The following SPEN variants were observed in gnomAD, a reference collection of about 807,000 sequenced individuals.
The protein encoded by SPEN is msx2-interacting protein.
SPEN carries 18 observed loss-of-function variants against 269.9 expected under a neutral mutation model. The observed-to-expected ratio is 0.07, with a 90% CI of 0.05 to 0.10. The LOEUF is 0.10. Ranked by LOEUF, SPEN falls within the 10% of genes least tolerant of loss-of-function variation. SPEN has a pLI of 1.00. For synonymous variants in SPEN, 1,726 were observed against 1,765.7 expected (o/e 0.98, Z 0.56); for missense variants, 3,822 against 4,631.2 (o/e 0.83, Z 5.07).
In SPEN at chr1:15,906,656, G is replaced by T. The variant is rs201167097; in HGVS notation, c.882-2665G>T. On this transcript the variant is annotated intron_variant, in intron 3 of 14. Transcript: ENST00000375759. ...TTTTTGTATTTCTAGTAGAGATGAG[G>T]TTTCACCATGTTGGCCAGGCTAGCC... Among the ~76,000 whole-genome samples, 36 of 151,298 alleles carry T rather than the reference G, an allele frequency of 2.4e-4. No homozygotes were observed. The East Asian group carries it at 6.4e-3, about 27-fold the overall frequency.
chr1:15,927,427 T>A (rs2071179278), intron 10 of SPEN, among the ~76,000 whole-genome samples: 1 of 152,144 alleles, frequency 6.6e-6, no homozygotes, highest in South Asian at 2.1e-4. Context: ...GTTCAGAGAG[T>A]TTAACCAGGT....
chr1:15,875,449 A>C (rs2070621378), intron 2 of SPEN, among the ~76,000 whole-genome samples: 2 of 152,158 alleles, frequency 1.3e-5, no homozygotes, highest in Admixed American at 6.5e-5. Flanking sequence ...GGCATTTTTA[A>C]AGTCATTTGG....
At chr1:15,908,469 C>T (rs534842403) in intron 3 of SPEN, among the ~76,000 whole-genome samples, 1 of 151,916 alleles carries the variant, frequency 6.6e-6, no homozygotes, top group South Asian at 2.1e-4. Flanking sequence ...GTCACCCAGG[C>T]GGGAGTGCAG....
At chr1:15,875,347 C>A (rs1179908418) in intron 2 of SPEN, among the ~76,000 whole-genome samples, 1 of 152,192 alleles carries the variant, frequency 6.6e-6, no homozygotes, top group Admixed American at 6.6e-5. Flanking sequence ...TACCTAATTT[C>A]ATCACAGGCA....
chr1:15,931,927 T>C lies in SPEN; in HGVS notation c.5687T>C (p.Leu1896Pro). ...DLEHPEPSLPLSRTRRRNVRS... is the reference protein window; with the variant it reads ...DLEHPEPSLPPSRTRRRNVRS... Reference sequence around the variant, plus strand: ...GAACATCCCGAACCAAGTTTGCCTCTCAGCCGAACAAGGCGCCGGAATGTA... The same window carrying C: ...GAACATCCCGAACCAAGTTTGCCTCCCAGCCGAACAAGGCGCCGGAATGTA... The change falls in exon 11 of 15, where the codon CTC becomes CCC. Residue 1896 changes from leucine to proline, a missense_variant. Transcript: ENST00000375759. This position sits in a 1 kb window ranked among gnomAD's most constrained non-coding sequence, Gnocchi z 4.8. 1 of 1,614,214 alleles carries C rather than the reference T, an allele frequency of 6.2e-7. No homozygotes were observed.
chr1:15,928,852 G>C lies in SPEN; in HGVS notation c.2612G>C (p.Arg871Pro), dbSNP rs747275202. The change falls in exon 11 of 15, where the codon CGC becomes CCC. Residue 871 changes from arginine (R) to proline (P), a missense_variant. Arg to Pro is a moderately radical substitution (Grantham distance 103, BLOSUM62 -2). Coordinates refer to ENST00000375759, the MANE Select transcript of SPEN (RefSeq NM_015001.3). The surrounding 1 kb of genome is among the most constrained non-coding windows in gnomAD (Gnocchi z 5.7). ...GACAAAGAGGGAATAGCGAAAAACC[G>C]CCTGGAACTCATGCCTTGCGTGGTT... ...KADKEGIAKNRLELMPCVVLT... is the reference protein window; with the variant it reads ...KADKEGIAKNPLELMPCVVLT... 6.2e-7 allele frequency: 1 copy of C among 1,614,092 alleles called. No homozygotes were observed. The highest frequency in any genetic ancestry group is 8.5e-7 in the Non-Finnish European group (1 of 1,179,982).
intron 3 of SPEN, among the ~76,000 whole-genome samples, chr1:15,905,338 C>T (rs534333031): frequency 6.6e-6 from 1 of 151,870 alleles, no homozygotes; most frequent in Admixed American, 6.6e-5. Context: ...TCTCCTGCCT[C>T]AGCCTCCTGA....
At position 15,934,718 on chromosome 1, in the gene SPEN, C is replaced by T. The variant is rs1269941401; in HGVS notation, c.8478C>T (p.Gly2826=). 1.2e-6 allele frequency: 2 copies of T among 1,614,152 alleles called. No homozygotes were observed. The highest frequency in any genetic ancestry group is 1.6e-4 in the Middle Eastern group (1 of 6,062). The change falls in exon 11 of 15, where the codon GGC becomes GGT. Residue 2826 remains glycine (G), a synonymous_variant. Transcript: ENST00000375759. This position sits in a 1 kb window ranked among gnomAD's most constrained non-coding sequence, Gnocchi z 9.2. ...GTTACTCAGGGCAGAAGACCGAAGG[C>T]CCACAGCGGATCAGCGCCAAGATCA... ...LLSYSGQKTE[G]PQRISAKISQ...
At chr1:15,888,310 CTT>C (rs759333161) in intron 3 of SPEN, among the ~76,000 whole-genome samples, 1 of 140,998 alleles carries the variant, frequency 7.1e-6, no homozygotes, top group Admixed American at 7.1e-5. Flanking sequence ...TATGTAAACT[CTT>C]TTTTTTTTTT....
At position 15,940,027 on chromosome 1, in the gene SPEN, TAC is replaced by T; in HGVS notation, c.*602_*603del. 4.4e-6 allele frequency: 1 copy of T among 229,044 alleles called. No homozygotes were observed. Among genetic ancestry groups the T allele is most frequent in the Non-Finnish European group, 8.7e-6 (1 of 115,470 alleles). 14.2% of individuals were successfully genotyped at this position (229,044 alleles called of 1,614,324 possible). On this transcript the variant is annotated 3_prime_UTR_variant, in exon 15 of 15. Coordinates refer to ENST00000375759, the MANE Select transcript of SPEN (RefSeq NM_015001.3). ...CTTTGATTCACCGGGATGTACAGTT[TAC>T]AGTTGAAGAGCAAACAGAAAGGTTT...
At position 15,933,957 on chromosome 1, in the gene SPEN, C is replaced by A. The variant is rs768869705; in HGVS notation, c.7717C>A (p.Pro2573Thr). The A allele has an allele frequency of 1.2e-6, 2 of 1,613,886 alleles. No homozygotes were observed. Among genetic ancestry groups the A allele is most frequent in the Admixed American group, 3.3e-5 (2 of 60,002 alleles). Residue 2573 changes from proline to threonine, a missense_variant, in exon 11 of 15, where the codon CCC (proline) becomes ACC (threonine). Pro to Thr is a conservative substitution (Grantham distance 38, BLOSUM62 -1). Transcript: ENST00000375759. The surrounding 1 kb of genome is among the most constrained non-coding windows in gnomAD (Gnocchi z 5.7). Reference protein sequence around the residue: ...SAAPCLHEAPPPPVDSKKPLE... With the variant: ...SAAPCLHEAPTPPVDSKKPLE... ...TGCCCCTTGCCTACATGAGGCCCCG[C>A]CCCCGCCAGTTGACTCTAAAAAGCC... is the stretch of plus-strand genomic sequence containing the variant.
chr1:15,892,012 CTTTTTTTT>C (rs71003216), intron 3 of SPEN, among the ~76,000 whole-genome samples: 962 of 74,712 alleles, frequency 0.013, 8 homozygotes, highest in African/African-American at 0.032. Flanking sequence ...TTTCTTTTTA[CTTTTTTTT>C]TTTTTTTTTT....
intron 1 of SPEN, among the ~76,000 whole-genome samples, chr1:15,869,541 T>C (rs2070551878): frequency 6.6e-6 from 1 of 152,104 alleles, no homozygotes; most frequent in Non-Finnish European, 1.5e-5. Context: ...AATCTTTTTA[T>C]AATGTAAAAA....
chr1:15,934,583 A>G lies in SPEN; in HGVS notation c.8343A>G (p.Glu2781=), dbSNP rs776804920. The G allele has an allele frequency of 6.2e-7, 1 of 1,614,096 alleles. No homozygotes were observed. Among genetic ancestry groups the G allele is most frequent in the Non-Finnish European group, 8.5e-7 (1 of 1,180,018 alleles). Residue 2781 remains glutamate, a synonymous_variant, in exon 11 of 15, where the codon GAA becomes GAG. Transcript: ENST00000375759. This position sits in a 1 kb window ranked among gnomAD's most constrained non-coding sequence, Gnocchi z 9.2. ...GCAAACAGAGAGCGAGTGCTAATGA[A>G]AACAGTCGGTTCCACCCAGGGTCCA... The part of the protein sequence containing the change: ...TKCKQRASAN[E]NSRFHPGSMP...
intron 3 of SPEN, among the ~76,000 whole-genome samples, chr1:15,891,852 C>T (rs1003626471): frequency 6.0e-5 from 9 of 151,228 alleles, no homozygotes; most frequent in Admixed American, 5.3e-4. Flanking sequence ...TCACATATAT[C>T]TCAGTAGAAC....
Position 15,935,741 on chromosome 1 carries a change from T to G in SPEN, c.9501T>G (p.Ala3167=). ...AAGTGCATTATCACCTTCCTGTCGC[T>G]CGAGCCACAGCCCCTGTGCAGTCAG... ...EEEVHYHLPV[A]RATAPVQSEV... is the part of the protein sequence containing the mutation. The change falls in exon 11 of 15, where the codon GCT becomes GCG. Residue 3167 remains alanine (A), a synonymous_variant. Transcript: ENST00000375759. The surrounding 1 kb of genome is among the most constrained non-coding windows in gnomAD (Gnocchi z 7.7). The G allele has an allele frequency of 6.2e-7, 1 of 1,613,116 alleles. No individual in the cohort carries two copies. Among genetic ancestry groups the G allele is most frequent in the Non-Finnish European group, 8.5e-7 (1 of 1,179,622 alleles).
intron 3 of SPEN, among the ~76,000 whole-genome samples, chr1:15,890,795 C>A (rs1241635044): frequency 2.0e-5 from 3 of 152,152 alleles, no homozygotes; most frequent in African/African-American, 7.2e-5. Context: ...TTTTCTCCCC[C>A]AGCCCAAGGC....
chr1:15,859,606 T>A (rs955042819), intron 1 of SPEN, among the ~76,000 whole-genome samples: 1 of 151,940 alleles, frequency 6.6e-6, no homozygotes. Context: ...CCTGACCTTG[T>A]GATCCGCCCG....
chr1:15,929,546 A>G lies in SPEN; in HGVS notation c.3306A>G (p.Gln1102=). 3 of 1,613,966 alleles carry G rather than the reference A, an allele frequency of 1.9e-6. No individual in the cohort carries two copies. The highest frequency in any genetic ancestry group is 2.5e-6 in the Non-Finnish European group (3 of 1,179,928). Reference sequence around the variant, plus strand: ...AATCTGTGGAAAATCAAGAAGTCCAATCAAAAAAGCCCATTCCCTCAAAAC... The same window carrying G: ...AATCTGTGGAAAATCAAGAAGTCCAGTCAAAAAAGCCCATTCCCTCAAAAC... ...AGESVENQEV[Q]SKKPIPSKPQ... is the part of the protein sequence containing the mutation. Residue 1102 remains glutamine (Q), a synonymous_variant, in exon 11 of 15, where the codon CAA becomes CAG. Transcript: ENST00000375759. The surrounding 1 kb of genome is among the most constrained non-coding windows in gnomAD (Gnocchi z 5.8).
Sources: gnomAD v4.1 joint callset for allele counts (sites outside exome capture counted in the v4.1 genomes callset) on GRCh38, gnomAD v4.1.1 for gene constraint, Gnocchi (gnomAD v3.1) non-coding constraint, MANE v1.5 for transcripts, NCBI Gene and HGNC (gene_info 2026-07-23, HGNC 2026-07-21) for gene names.